The following PTHLH variants were observed in gnomAD, a reference collection of about 807,000 sequenced individuals.
PTHLH encodes the protein parathyroid hormone like hormone, also known as parathyroid hormone-related protein.
A neutral mutation model predicts 18.6 loss-of-function variants in PTHLH; 5 were observed. The observed-to-expected ratio is 0.27, with a 90% CI of 0.14 to 0.56. PTHLH has a LOEUF of 0.56. Among genes scored for constraint, PTHLH ranks in the 20% least tolerant of loss-of-function variants. The pLI, the probability that PTHLH is intolerant of heterozygous loss-of-function variation, is 0.92. For missense variants in PTHLH, 207 were observed against 223.9 expected (o/e 0.92, Z 0.48); for synonymous variants, 90 against 94.0 (o/e 0.96, Z 0.25).
intron 3 of PTHLH, 124 bp from the exon 4 acceptor site, chr12:27,969,640 T>G (rs1408791664): frequency 2.2e-6 from 2 of 921,242 alleles, no homozygotes; most frequent in Non-Finnish European, 3.5e-6. Flanking sequence ...TCTCCCAAGT[T>G]GAAAAGAAAA....
At position 27,963,586 on chromosome 12, in the gene PTHLH, C is replaced by T; in HGVS notation, c.286G>A (p.Gly96Arg). 6.2e-7 allele frequency: 1 copy of T among 1,614,164 alleles called. No individual in the cohort carries two copies. The highest frequency in any genetic ancestry group is 8.5e-7 in the Non-Finnish European group (1 of 1,180,026). The change falls in exon 5 of 6, where the codon GGG (glycine) becomes AGG (arginine). Residue 96 changes from glycine (G) to arginine (R), a missense_variant. By Grantham distance (125) the Gly-to-Arg change is moderately radical. Coordinates refer to ENST00000545234, the MANE Select transcript of PTHLH (RefSeq NM_198965.2). ...AGGTATCTGCCCTCATCATCAGACC[C>T]AAATCGGACGGGGTGGTTCTTTGTG... ...PNTKNHPVRF[G>R]SDDEGRYLTQ...
At position 27,962,042 on chromosome 12, in the gene PTHLH, C is replaced by T. The variant is rs776710277; in HGVS notation, c.524+1306G>A. 5.3e-5 allele frequency: 33 copies of T among 625,680 alleles called. 1 individual carries two copies. The East Asian group carries it at 5.6e-4, about 11-fold the overall frequency. 38.8% of individuals were successfully genotyped at this position (625,680 alleles called of 1,614,324 possible). A position where few individuals can be genotyped will look rare whatever the true frequency, so the allele number is the denominator to read the frequency against. On this transcript the variant is annotated intron_variant, in intron 5 of 5. Transcript: ENST00000545234. ...AAAAATCATTTCAATGGAAATGCAT[C>T]GATAAAGAAGCAGGGCAAACATAGC...
Position 27,963,430 on chromosome 12 carries a change from A to T in PTHLH, c.442T>A (p.Leu148Ile). ...CCACTCCCAGTCACTCCAGAGTCTAACCAGGCAGAGCGAGTTCGCCGTTTT... is the reference window on the plus strand; with the variant it reads ...CCACTCCCAGTCACTCCAGAGTCTATCCAGGCAGAGCGAGTTCGCCGTTTT... Reference protein sequence around the residue: ...KKKRRTRSAWLDSGVTGSGLE... With the variant: ...KKKRRTRSAWIDSGVTGSGLE... The change falls in exon 5 of 6, where the codon TTA (leucine) becomes ATA (isoleucine). Residue 148 changes from leucine to isoleucine, a missense_variant. Physicochemically the swap from Leu to Ile is conservative, Grantham distance 5 (BLOSUM62 2). Transcript: ENST00000545234. The T allele has an allele frequency of 6.2e-7, 1 of 1,614,176 alleles. No homozygotes were observed.
chr12:27,967,217 T>C (rs373300453), intron 4 of PTHLH, among the ~76,000 whole-genome samples: 1 of 152,222 alleles, frequency 6.6e-6, no homozygotes, highest in East Asian at 1.9e-4. Flanking sequence ...AGAACATCCA[T>C]AGGCCTCACT....
chr12:27,963,131 G>C, intron 5 of PTHLH: 2 of 1,433,732 alleles, frequency 1.4e-6, no homozygotes, highest in South Asian at 1.5e-5. Context: ...GGGCTCTAGC[G>C]CCTCTCTATG....
At chr12:27,963,279 G>A in intron 5 of PTHLH, 69 bp downstream of exon 5, 1 of 1,612,504 alleles carries the variant, frequency 6.2e-7, no homozygotes, top group East Asian at 2.2e-5. Context: ...CCAAGCCAAG[G>A]CAGAAGGGAG....
At chr12:27,962,889 G>C (rs2062773857) in intron 5 of PTHLH, 3 of 1,026,200 alleles carry the variant, frequency 2.9e-6, no homozygotes, top group Non-Finnish European at 3.5e-6. Flanking sequence ...ACATGATGCT[G>C]TTCTGCAGTG....
chr12:27,970,960 A>G (rs2062867161), intron 2 of PTHLH, among the ~76,000 whole-genome samples: 1 of 152,134 alleles, frequency 6.6e-6, no homozygotes, highest in Non-Finnish European at 1.5e-5. Context: ...TCATATCTAA[A>G]TTGCACTTTT....
intron 2 of PTHLH, among the ~76,000 whole-genome samples, chr12:27,971,591 G>T (rs1052535241): frequency 6.6e-6 from 1 of 151,888 alleles, no homozygotes; most frequent in East Asian, 1.9e-4. Context: ...GAAATAGCAC[G>T]CTGTCACCGA....
Position 27,970,123 on chromosome 12 carries a change from G to T in PTHLH, c.-121C>A, listed in dbSNP as rs774239226. 1.9e-6 allele frequency: 1 copy of T among 518,812 alleles called. No individual in the cohort carries two copies. The highest frequency in any genetic ancestry group is 1.4e-5 in the South Asian group (1 of 71,614). The allele number at this position is 518,812 out of a possible 1,614,324, so 32.1% of individuals were successfully genotyped here. On this transcript the variant is annotated 5_prime_UTR_variant, in exon 3 of 6. Transcript: ENST00000545234. The stretch of plus-strand genomic sequence containing the variant: ...CGTCGATCAGGAGGGCCAGGTGGCG[G>T]CGAGGGCGGGTCGTTAGTGGCAGCC...
chr12:27,962,652 C>T (rs1056155579), intron 5 of PTHLH: 1 of 984,940 alleles, frequency 1.0e-6, no homozygotes, highest in African/African-American at 1.7e-5. Flanking sequence ...TGCCAATGAA[C>T]AAAAAGATAC....
At chr12:27,958,924 T>C (rs1003036062) in intron 5 of PTHLH, among the ~76,000 whole-genome samples, 2 of 152,370 alleles carry the variant, frequency 1.3e-5, no homozygotes, top group Middle Eastern at 3.4e-3. Flanking sequence ...GAAATGAGGT[T>C]ACGTTGGACC....
Position 27,958,336 on chromosome 12 carries a change from G to T in PTHLH, c.*223C>A. ...CATTTACAAAATAAATACATCAATG[G>T]ACAAAATAAATTATGGTAAATGTGA... On this transcript the variant is annotated 3_prime_UTR_variant, in exon 6 of 6. Coordinates refer to ENST00000545234, the MANE Select transcript of PTHLH (RefSeq NM_198965.2). The T allele has an allele frequency of 2.6e-6, 1 of 389,784 alleles. No homozygotes were observed. 24.1% of individuals were successfully genotyped at this position (389,784 alleles called of 1,614,324 possible).
At chr12:27,964,846 T>C (rs964134333) in intron 4 of PTHLH, among the ~76,000 whole-genome samples, 4 of 152,224 alleles carry the variant, frequency 2.6e-5, no homozygotes, top group Non-Finnish European at 5.9e-5. Context: ...TATTATTTTG[T>C]GTATATTATT....
At chr12:27,969,984 T>A in intron 3 of PTHLH, 41 bp downstream of exon 3, 1 of 519,124 alleles carries the variant, frequency 1.9e-6, no homozygotes, top group Non-Finnish European at 3.8e-6. Context: ...CAGAGCCACT[T>A]GTAGCGAAAC....
chr12:27,968,399 G>C (rs1330831006), intron 4 of PTHLH, among the ~76,000 whole-genome samples: 2 of 152,280 alleles, frequency 1.3e-5, no homozygotes, highest in African/African-American at 4.8e-5. Context: ...TTTATTGTTA[G>C]TGTAAAAATT....
chr12:27,964,469 G>A (rs916890040), intron 4 of PTHLH, among the ~76,000 whole-genome samples: 2 of 84,740 alleles, frequency 2.4e-5, no homozygotes, highest in South Asian at 4.4e-4. Flanking sequence ...AAGGCCAATC[G>A]TCAGAGAGAG....
intron 5 of PTHLH, among the ~76,000 whole-genome samples, chr12:27,961,318 TATAC>T (rs1328259332): frequency 8.2e-6 from 1 of 122,616 alleles, no homozygotes; most frequent in African/African-American, 2.9e-5. Flanking sequence ...TATATATATA[TATAC>T]GTATATATAT....
intron 4 of PTHLH, among the ~76,000 whole-genome samples, chr12:27,964,660 A>C (rs1012747840): frequency 3.9e-5 from 6 of 152,114 alleles, no homozygotes; most frequent in African/African-American, 9.7e-5. Flanking sequence ...TTAGTTGAGA[A>C]GTTCACTTTT....
Sources: allele counts gnomAD v4.1 joint callset (sites outside exome capture counted in the v4.1 genomes callset), GRCh38; gene constraint gnomAD v4.1.1; transcripts MANE v1.5; gene names NCBI Gene and HGNC (gene_info 2026-07-23, HGNC 2026-07-21).